Variants in PTPRN2 observed in about 807,000 individuals in gnomAD.
The protein encoded by PTPRN2 is protein tyrosine phosphatase receptor type N2.
Under a neutral mutation model 118.8 loss-of-function variants are expected in PTPRN2, and 74 were observed. The ratio of observed to expected loss-of-function variants is 0.62; its 90% confidence interval spans 0.52 to 0.76. PTPRN2 has a LOEUF of 0.76. PTPRN2 is among the 30% of genes least tolerant of loss of function. The pLI is 0.00. For synonymous variants in PTPRN2, 641 were observed against 608.0 expected (o/e 1.05, Z -0.80); for missense variants, 1,481 against 1,394.4 (o/e 1.06, Z -0.99).
rs1232896894 is a variant in PTPRN2 at position 157,571,497 on chromosome 7, A to T, written c.2784-4T>A. 6.2e-7 allele frequency: 1 copy of T among 1,602,280 alleles called. No homozygotes were observed. Among genetic ancestry groups the T allele is most frequent in the Non-Finnish European group, 8.5e-7 (1 of 1,171,934 alleles). ...CCTGTAGCACTTGTTTACTTTTCTG[A>T]AATAAAAAGAGATATAAAAATTATC... On this transcript the variant is annotated splice_polypyrimidine_tract_variant and splice_region_variant and intron_variant, in intron 19 of 22. Transcript: ENST00000389418.
chr7:158,070,947 CCCG>C (rs1407712940), intron 11 of PTPRN2, among the ~76,000 whole-genome samples: 2 of 116,616 alleles, frequency 1.7e-5, no homozygotes, highest in South Asian at 2.9e-4. Flanking sequence ...GGTGGAGGTG[CCCG>C]TGGTGGTGGA....
intron 3 of PTPRN2, among the ~76,000 whole-genome samples, chr7:158,273,291 C>T (rs1022254380): frequency 2.0e-5 from 3 of 152,194 alleles, no homozygotes; most frequent in Non-Finnish European, 2.9e-5. Context: ...TGAGCACCCA[C>T]CGCAAGCCCA....
intron 12 of PTPRN2, among the ~76,000 whole-genome samples, chr7:157,892,880 A>G (rs144246962): frequency 1.3e-5 from 2 of 152,320 alleles, no homozygotes; most frequent in East Asian, 3.9e-4. Context: ...AGATGCATCC[A>G]GGAATAAGGC....
chr7:158,085,594 ACCCATCCACACCCACGACG>A (rs1813306176), intron 10 of PTPRN2, among the ~76,000 whole-genome samples: 3 of 90,470 alleles, frequency 3.3e-5, no homozygotes, highest in African/African-American at 1.3e-4. Flanking sequence ...CCATCCAGAT[ACCCATCCACACCCACGACG>A]CCCATCCACA....
chr7:158,329,103 G>C (rs367704447), intron 2 of PTPRN2, among the ~76,000 whole-genome samples: 1 of 152,236 alleles, frequency 6.6e-6, no homozygotes, highest in Admixed American at 6.5e-5. Flanking sequence ...GCGGCGCACA[G>C]CCCACTGCAC....
chr7:157,747,829 G>C (rs1313445744), intron 12 of PTPRN2, among the ~76,000 whole-genome samples: 2 of 132,768 alleles, frequency 1.5e-5, no homozygotes, highest in East Asian at 2.4e-4. Context: ...CTGCGTCCCT[G>C]AGCTTTGGGC....
At chr7:158,123,301 T>C (rs1181258636) in intron 9 of PTPRN2, among the ~76,000 whole-genome samples, 1 of 152,162 alleles carries the variant, frequency 6.6e-6, no homozygotes, top group African/African-American at 2.4e-5. Context: ...GCTTCGAGGG[T>C]GGCAAACAGT....
At chr7:157,626,650 TG>T (rs1414232075) in intron 14 of PTPRN2, among the ~76,000 whole-genome samples, 3 of 152,168 alleles carry the variant, frequency 2.0e-5, no homozygotes, top group African/African-American at 7.2e-5. Context: ...ATTCTTCTCA[TG>T]AGATTAATTT....
intron 2 of PTPRN2, among the ~76,000 whole-genome samples, chr7:158,341,945 A>T (rs1363459580): frequency 1.4e-5 from 2 of 142,344 alleles, no homozygotes; most frequent in Non-Finnish European, 3.0e-5. Context: ...TCTCACCATA[A>T]GAGCTGTCGC....
At chr7:158,246,620 G>A (rs1447513470) in intron 3 of PTPRN2, among the ~76,000 whole-genome samples, 1 of 151,760 alleles carries the variant, frequency 6.6e-6, no homozygotes, top group Non-Finnish European at 1.5e-5. Flanking sequence ...CTTCCTTTTT[G>A]ACCTTTTTAA....
chr7:157,641,688 C>G (rs1804675108), intron 14 of PTPRN2, among the ~76,000 whole-genome samples: 2 of 152,176 alleles, frequency 1.3e-5, no homozygotes, highest in South Asian at 4.1e-4. Flanking sequence ...TCCTCTTGCT[C>G]CAGAAGAGAA....
At chr7:158,171,294 C>CATACATACATATATATATAT (rs1412529791) in intron 5 of PTPRN2, among the ~76,000 whole-genome samples, 1 of 62,162 alleles carries the variant, frequency 1.6e-5, no homozygotes, top group African/African-American at 7.6e-5. Flanking sequence ...TATATACACA[C>CATACATACATATATATATAT]ATATATATAC....
At chr7:158,484,196 C>G (rs763436399) in intron 2 of PTPRN2, among the ~76,000 whole-genome samples, 1 of 152,176 alleles carries the variant, frequency 6.6e-6, no homozygotes, top group South Asian at 2.1e-4. Flanking sequence ...TTCAGAGTTC[C>G]GTGACCACCT....
intron 10 of PTPRN2, among the ~76,000 whole-genome samples, chr7:158,085,692 CCA>C (rs1163241627): frequency 8.5e-5 from 12 of 141,694 alleles, no homozygotes; most frequent in African/African-American, 3.3e-4. Context: ...TGACACCCAT[CCA>C]CACAGATACC....
chr7:157,996,387 G>A (rs181290517), intron 11 of PTPRN2, among the ~76,000 whole-genome samples: 156 of 152,328 alleles, frequency 1.0e-3, no homozygotes, highest in African/African-American at 2.8e-3. Context: ...ACAGATCCAC[G>A]TAGTAAGACC....
At position 157,595,139 on chromosome 7, in the gene PTPRN2, A is replaced by C. The variant is rs928228879; in HGVS notation, c.2496+99T>G. ...AAGTAACATTTGATGAGCATTTGTA[A>C]GAAGTTTGATTGGCCTAATCAGATT... On this transcript the variant is annotated intron_variant, in intron 17 of 22. Coordinates refer to ENST00000389418, the MANE Select transcript of PTPRN2 (RefSeq NM_002847.5). The C allele has an allele frequency of 8.4e-6, 9 of 1,070,862 alleles. No individual in the cohort carries two copies. The African/African-American group carries it at 9.3e-5, about 11-fold the overall frequency. The allele number at this position is 1,070,862 out of a possible 1,614,324, so 66.3% of individuals were successfully genotyped here.
chr7:158,470,594 G>A (rs545499264), intron 2 of PTPRN2, among the ~76,000 whole-genome samples: 3 of 152,194 alleles, frequency 2.0e-5, no homozygotes, highest in African/African-American at 4.8e-5. Context: ...GCGTCACCCC[G>A]ACCGGCTGCT....
intron 9 of PTPRN2, among the ~76,000 whole-genome samples, chr7:158,114,728 G>T (rs966096736): frequency 6.6e-6 from 1 of 152,218 alleles, no homozygotes; most frequent in Admixed American, 6.5e-5. Flanking sequence ...GCCTACATGG[G>T]AGCCTGGTCC....
intron 2 of PTPRN2, among the ~76,000 whole-genome samples, chr7:158,440,556 G>A (rs997274293): frequency 4.0e-5 from 6 of 150,650 alleles, no homozygotes; most frequent in East Asian, 1.9e-4. Flanking sequence ...TGGCAGTGGC[G>A]GCGGTGGTGG....
Sources: allele counts gnomAD v4.1 joint callset (sites outside exome capture counted in the v4.1 genomes callset), GRCh38; gene constraint gnomAD v4.1.1; transcripts MANE v1.5; gene names NCBI Gene and HGNC (gene_info 2026-07-23, HGNC 2026-07-21).